Variants in RBMS3 observed in about 807,000 individuals in gnomAD.
RBMS3 encodes the protein RNA-binding motif, single-stranded-interacting protein 3.
A neutral mutation model predicts 66.8 loss-of-function variants in RBMS3; 27 were observed. The ratio of observed to expected loss-of-function variants is 0.40; its 90% confidence interval spans 0.30 to 0.56. The LOEUF (loss-of-function observed/expected upper bound fraction) is 0.56. Ranked by LOEUF, RBMS3 falls within the 20% of genes least tolerant of loss-of-function variation. The probability of loss-of-function intolerance (pLI) is 0.40; values close to 1 mark genes in which losing one functional copy is unlikely to be tolerated. For synonymous variants in RBMS3, 188 were observed against 183.0 expected (o/e 1.03, Z -0.22); for missense variants, 513 against 549.5 (o/e 0.93, Z 0.66).
intron 1 of RBMS3, among the ~76,000 whole-genome samples, chr3:29,305,840 A>G (rs955695979): frequency 2.0e-5 from 3 of 152,058 alleles, no homozygotes; most frequent in Admixed American, 1.3e-4. Flanking sequence ...GAAATTGCTT[A>G]GGGAAAGTTT....
intron 2 of RBMS3, among the ~76,000 whole-genome samples, chr3:29,476,426 T>A (rs1228692030): frequency 6.6e-6 from 1 of 152,192 alleles, no homozygotes; most frequent in African/African-American, 2.4e-5. Context: ...TTATACAGAA[T>A]CTATAAAGCC....
chr3:29,798,410 GAGAA>G (rs2057283841), intron 6 of RBMS3, among the ~76,000 whole-genome samples: 1 of 151,090 alleles, frequency 6.6e-6, no homozygotes, highest in Admixed American at 6.6e-5. Context: ...AGGAGAAAAA[GAGAA>G]AGGGAGAAAG....
intron 1 of RBMS3, among the ~76,000 whole-genome samples, chr3:29,297,531 A>T (rs1442569311): frequency 2.0e-5 from 3 of 151,898 alleles, no homozygotes; most frequent in Non-Finnish European, 4.4e-5. Flanking sequence ...GCTGGATTGA[A>T]ATCATATAGA....
At chr3:29,665,956 T>A (rs1398490318) in intron 4 of RBMS3, among the ~76,000 whole-genome samples, 1 of 152,154 alleles carries the variant, frequency 6.6e-6, no homozygotes, top group Admixed American at 6.5e-5. Context: ...TAAAAGCCAG[T>A]CAGAATAATC....
intron 1 of RBMS3, among the ~76,000 whole-genome samples, chr3:29,306,175 A>G (rs1221789086): frequency 6.6e-6 from 1 of 151,866 alleles, no homozygotes; most frequent in Non-Finnish European, 1.5e-5. Flanking sequence ...ATTGCATACC[A>G]ATTTTCATGT....
chr3:29,852,035 C>T, intron 6 of RBMS3, among the ~76,000 whole-genome samples: 1 of 152,148 alleles, frequency 6.6e-6, no homozygotes, highest in Non-Finnish European at 1.5e-5. Context: ...ACACTTACAA[C>T]TATCTAATCT....
intron 4 of RBMS3, among the ~76,000 whole-genome samples, chr3:29,729,939 G>T (rs558301762): frequency 3.3e-5 from 5 of 151,836 alleles, no homozygotes; most frequent in Admixed American, 2.6e-4. Context: ...CAAGGGCTAA[G>T]GAATATAAAC....
chr3:29,325,655 C>T (rs2035291238), intron 1 of RBMS3, among the ~76,000 whole-genome samples: 1 of 147,678 alleles, frequency 6.8e-6, no homozygotes, highest in African/African-American at 2.5e-5. Flanking sequence ...TACACACACA[C>T]ACACACACAT....
At chr3:29,494,494 C>G (rs145422832) in intron 3 of RBMS3, among the ~76,000 whole-genome samples, 2 of 152,088 alleles carry the variant, frequency 1.3e-5, no homozygotes, top group Non-Finnish European at 2.9e-5. Flanking sequence ...CTGAACAAAG[C>G]GAGTAACAGC....
chr3:29,444,684 G>A (rs2041751646), intron 2 of RBMS3, among the ~76,000 whole-genome samples: 1 of 151,042 alleles, frequency 6.6e-6, no homozygotes, highest in African/African-American at 2.4e-5. Context: ...GAGGTCATTG[G>A]AAAACTTGAG....
intron 1 of RBMS3, among the ~76,000 whole-genome samples, chr3:29,399,245 A>G (rs575479571): frequency 2.0e-5 from 3 of 152,232 alleles, no homozygotes; most frequent in South Asian, 4.1e-4. Flanking sequence ...GCAAATATGC[A>G]TACATCCACA....
At chr3:29,483,204 G>A (rs1437171474) in intron 2 of RBMS3, among the ~76,000 whole-genome samples, 1 of 151,192 alleles carries the variant, frequency 6.6e-6, no homozygotes, top group Non-Finnish European at 1.5e-5. Context: ...AGCTACTCGG[G>A]AGGCTGAGGC....
intron 12 of RBMS3, among the ~76,000 whole-genome samples, chr3:29,974,398 C>A (rs544777866): frequency 6.6e-6 from 1 of 151,836 alleles, no homozygotes; most frequent in Non-Finnish European, 1.5e-5. Context: ...CTGTTCTTAT[C>A]TAAAGTCATT....
intron 1 of RBMS3, among the ~76,000 whole-genome samples, chr3:29,398,320 C>T (rs1010044684): frequency 6.6e-6 from 1 of 152,078 alleles, no homozygotes; most frequent in Non-Finnish European, 1.5e-5. Context: ...CTTTACAGAA[C>T]CTTTTTGACT....
intron 3 of RBMS3, among the ~76,000 whole-genome samples, chr3:29,578,470 C>G (rs1179004580): frequency 6.6e-6 from 1 of 152,052 alleles, no homozygotes; most frequent in Admixed American, 6.6e-5. Flanking sequence ...TAGAATCCAC[C>G]GTGTCTCATA....
At chr3:29,472,504 C>T (rs772241678) in intron 2 of RBMS3, among the ~76,000 whole-genome samples, 47 of 152,100 alleles carry the variant, frequency 3.1e-4, no homozygotes, top group Non-Finnish European at 6.2e-4. Flanking sequence ...TCACTGACTT[C>T]GAATGAAGCC....
chr3:29,322,623 CG>C (rs969295953), intron 1 of RBMS3, among the ~76,000 whole-genome samples: 1 of 139,038 alleles, frequency 7.2e-6, no homozygotes, highest in African/African-American at 2.6e-5. Flanking sequence ...TTTTCACATA[CG>C]AAAAAAAAAA....
Position 29,455,156 on chromosome 3 carries a change from T to C in RBMS3, c.248+20241T>C, listed in dbSNP as rs75234815. On this transcript the variant is annotated intron_variant, in intron 2 of 14. Coordinates refer to ENST00000383767, the MANE Select transcript of RBMS3 (RefSeq NM_001003793.3). ...TTTTGCAGGATCGTTCGCCACAACATACATGTATGTTCCCGTTTCACTTTG... is the reference window on the plus strand; with the variant it reads ...TTTTGCAGGATCGTTCGCCACAACACACATGTATGTTCCCGTTTCACTTTG... 2.7e-4 allele frequency among the ~76,000 whole-genome samples: 41 copies of C among 152,294 alleles called. 1 individual carries two copies. The East Asian group carries it at 7.9e-3, about 29-fold the overall frequency.
intron 1 of RBMS3, among the ~76,000 whole-genome samples, chr3:29,295,002 T>C (rs915361560): frequency 2.0e-5 from 3 of 151,750 alleles, no homozygotes; most frequent in East Asian, 1.9e-4. Context: ...ACAATTTCCC[T>C]GTACAATTAC....
Sources: gnomAD v4.1 joint callset for allele counts (sites outside exome capture counted in the v4.1 genomes callset) on GRCh38, gnomAD v4.1.1 for gene constraint, MANE v1.5 for transcripts, NCBI Gene and HGNC (gene_info 2026-07-23, HGNC 2026-07-21) for gene names.